Variants in KCNQ1 observed in about 807,000 individuals in gnomAD.
The protein encoded by KCNQ1 is potassium voltage-gated channel subfamily Q member 1, also known as potassium voltage-gated channel subfamily KQT member 1.
KCNQ1 carries 49 observed loss-of-function variants against 72.4 expected under a neutral mutation model. That is an observed-to-expected ratio of 0.68 (90% CI 0.54 to 0.86). KCNQ1 has a LOEUF of 0.86. KCNQ1 is among the 40% of genes least tolerant of loss of function. KCNQ1 has a pLI of 0.00. For synonymous variants in KCNQ1, 450 were observed against 412.6 expected (o/e 1.09, Z -1.10); for missense variants, 790 against 945.1 (o/e 0.84, Z 2.15).
rs1436026158 is a variant in KCNQ1, at chr11:2,446,729, CT to C, written c.386+1247del. On this transcript the variant is annotated intron_variant, in intron 1 of 15. Transcript: ENST00000155840. The surrounding 1 kb of genome is among the most constrained non-coding windows in gnomAD (Gnocchi z 8.8). Reference sequence around the variant, plus strand: ...CTCAAAGATGTGGTTGGGGGGTGATCTTGGAGACTTTTCCCCACCCCAGCTC... The same window carrying C: ...CTCAAAGATGTGGTTGGGGGGTGATCTGGAGACTTTTCCCCACCCCAGCTC... Among the ~76,000 whole-genome samples the C allele has an allele frequency of 6.6e-6, 1 of 152,200 alleles. No individual in the cohort carries two copies. The highest frequency in any genetic ancestry group is 1.5e-5 in the Non-Finnish European group (1 of 68,036).
At chr11:2,719,191 A>G (rs981809675) in intron 11 of KCNQ1, among the ~76,000 whole-genome samples, 2 of 152,112 alleles carry the variant, frequency 1.3e-5, no homozygotes, top group African/African-American at 4.8e-5. Context: ...AACAATGGCT[A>G]TGTACATAAG....
chr11:2,662,619 C>T (rs1590015686), intron 11 of KCNQ1: 1 of 412,902 alleles, frequency 2.4e-6, no homozygotes, highest in Non-Finnish European at 4.3e-6. Flanking sequence ...CATGGCCAGG[C>T]CAATCCCCGG....
At position 2,698,931 on chromosome 11, in the gene KCNQ1, G is replaced by A. The variant is rs569206262; in HGVS notation, c.1514+36850G>A. 1.9e-4 allele frequency: 74 copies of A among 398,592 alleles called. No individual in the cohort carries two copies. Among genetic ancestry groups the A allele is most frequent in the African/African-American group, 1.4e-3 (68 of 48,700 alleles). The allele number at this position is 398,592 out of a possible 1,614,324, so 24.7% of individuals were successfully genotyped here. A position where few individuals can be genotyped will look rare whatever the true frequency, so the allele number is the denominator to read the frequency against. ...CAGCCAGGATGTGGACCCTAGACCCGAATTCTGATCCCAACTAGGATACCT... is the reference window on the plus strand; with the variant it reads ...CAGCCAGGATGTGGACCCTAGACCCAAATTCTGATCCCAACTAGGATACCT... On this transcript the variant is annotated intron_variant, in intron 11 of 15. Transcript: ENST00000155840. This position sits in a 1 kb window ranked among gnomAD's most constrained non-coding sequence, Gnocchi z 5.1.
chr11:2,506,399 A>G (rs35574774), intron 1 of KCNQ1, among the ~76,000 whole-genome samples: 40,482 of 152,056 alleles, frequency 0.27, 7,515 homozygotes, highest in African/African-American at 0.52. Flanking sequence ...ATTCTTTTTT[A>G]CAGCCACCCC....
At chr11:2,825,154 GGGAGGTGC>G (rs1364495040) in intron 15 of KCNQ1, among the ~76,000 whole-genome samples, 1 of 151,776 alleles carries the variant, frequency 6.6e-6, no homozygotes, top group Admixed American at 6.6e-5. Context: ...CAGAGAACAT[GGGAGGTGC>G]CGTTTCCCTG....
At chr11:2,533,469 G>A (rs1847675267) in intron 2 of KCNQ1, among the ~76,000 whole-genome samples, 1 of 152,218 alleles carries the variant, frequency 6.6e-6, no homozygotes, top group Non-Finnish European at 1.5e-5. Context: ...AATTCAGAGG[G>A]GGCTGTGTGT....
Position 2,541,684 on chromosome 11 carries a change from C to G in KCNQ1, c.477+13666C>G, listed in dbSNP as rs966402323. On this transcript the variant is annotated intron_variant, in intron 2 of 15. Coordinates refer to ENST00000155840, the MANE Select transcript of KCNQ1 (RefSeq NM_000218.3). The surrounding 1 kb of genome is among the most constrained non-coding windows in gnomAD (Gnocchi z 4.8). ...TTCTGCTCAAGTTCTCTTGCTTCAT[C>G]TCAGGCTCAGGTGTTTTGAGTTTTT... Among the ~76,000 whole-genome samples, 1 of 149,370 alleles carries G rather than the reference C, an allele frequency of 6.7e-6. No individual in the cohort carries two copies. The highest frequency in any genetic ancestry group is 2.5e-5 in the African/African-American group (1 of 39,870).
At chr11:2,829,561 T>G in intron 15 of KCNQ1, among the ~76,000 whole-genome samples, 1 of 152,180 alleles carries the variant, frequency 6.6e-6, no homozygotes, top group Admixed American at 6.5e-5. Flanking sequence ...ATGCAAACAG[T>G]AAGTACTTAT....
rs58902386 is a variant in KCNQ1, at chr11:2,756,981, A to AAAAAAAAAC, written c.1515-11863_1515-11862insAAAAAAAAC. 1.3e-3 allele frequency among the ~76,000 whole-genome samples: 150 copies of AAAAAAAAAC among 115,204 alleles called. 13 individuals carry two copies. The highest frequency in any genetic ancestry group is 2.8e-3 in the East Asian group (9 of 3,260). 75.6% of individuals were successfully genotyped at this position (115,204 alleles called of 152,430 possible). A position where few individuals can be genotyped will look rare whatever the true frequency, so the allele number is the denominator to read the frequency against. ...AAAAAAAAAAAAAAAAAAAAAAAAA[A>AAAAAAAAAC]CCCACAGCTAACATCACATCACACT... On this transcript the variant is annotated intron_variant, in intron 11 of 15. Transcript: ENST00000155840.
At chr11:2,618,159 T>C (rs376281396) in intron 10 of KCNQ1, 20 of 398,410 alleles carry the variant, frequency 5.0e-5, no homozygotes, top group African/African-American at 1.9e-4. Context: ...TTTGGTCTTA[T>C]GTTTAGGTCT....
At position 2,687,589 on chromosome 11, in the gene KCNQ1, T is replaced by G; in HGVS notation, c.1514+25508T>G. On this transcript the variant is annotated intron_variant, in intron 11 of 15. Transcript: ENST00000155840. This position sits in a 1 kb window ranked among gnomAD's most constrained non-coding sequence, Gnocchi z 5.0. ...TGACCCCCTGTCAAGGAGGTGTGAC[T>G]GAGAAAGGAAGGGGCAGAGATCCCT... 1 of 398,656 alleles carries G rather than the reference T, an allele frequency of 2.5e-6. No homozygotes were observed. 24.7% of individuals were successfully genotyped at this position (398,656 alleles called of 1,614,324 possible).
chr11:2,714,767 G>C (rs1379503047), intron 11 of KCNQ1, among the ~76,000 whole-genome samples: 1 of 152,174 alleles, frequency 6.6e-6, no homozygotes, highest in Non-Finnish European at 1.5e-5. Context: ...AGCATCTTGA[G>C]GGTGGCTGCA....
intron 10 of KCNQ1, chr11:2,655,475 C>A: frequency 5.0e-6 from 2 of 398,682 alleles, no homozygotes; most frequent in Non-Finnish European, 8.8e-6. Flanking sequence ...TCCGGTACCT[C>A]CTGCAGAGCC....
Position 2,498,194 on chromosome 11 carries a change from T to C in KCNQ1, c.387-29734T>C, listed in dbSNP as rs1846952892. On this transcript the variant is annotated intron_variant, in intron 1 of 15. Coordinates refer to ENST00000155840, the MANE Select transcript of KCNQ1 (RefSeq NM_000218.3). The surrounding 1 kb of genome is among the most constrained non-coding windows in gnomAD (Gnocchi z 4.8). Reference sequence around the variant, plus strand: ...GCAGTCTGTCCCTTAGCAGAGCTCATGCACTGTGCTGCGAGAATCCCCCTT... The same window carrying C: ...GCAGTCTGTCCCTTAGCAGAGCTCACGCACTGTGCTGCGAGAATCCCCCTT... Among the ~76,000 whole-genome samples the C allele has an allele frequency of 6.6e-6, 1 of 152,192 alleles. No individual in the cohort carries two copies.
chr11:2,582,238 C>T (rs1048421184), intron 6 of KCNQ1, among the ~76,000 whole-genome samples: 8 of 152,230 alleles, frequency 5.3e-5, no homozygotes, highest in African/African-American at 7.2e-5. Context: ...TCCGCGTGTG[C>T]GCCTGTGCAC....
Position 2,644,511 on chromosome 11 carries a change from ATCT to A in KCNQ1, c.1394-17445_1394-17443del, listed in dbSNP as rs971280384. 21 of 398,204 alleles carry A rather than the reference ATCT, an allele frequency of 5.3e-5. No homozygotes were observed. The South Asian group carries it at 1.3e-3, about 24-fold the overall frequency. 24.7% of individuals were successfully genotyped at this position (398,204 alleles called of 1,614,324 possible). A position where few individuals can be genotyped will look rare whatever the true frequency, so the allele number is the denominator to read the frequency against. ...CTGATTTCTTTGTATAGTCTATCAG[ATCT>A]TCTTTAATATTATATTGAATTTTTC... On this transcript the variant is annotated intron_variant, in intron 10 of 15. Transcript: ENST00000155840.
rs1850354875 is a variant in KCNQ1, at chr11:2,679,677, T to C, written c.1514+17596T>C. On this transcript the variant is annotated intron_variant, in intron 11 of 15. Coordinates refer to ENST00000155840, the MANE Select transcript of KCNQ1 (RefSeq NM_000218.3). The surrounding 1 kb of genome is among the most constrained non-coding windows in gnomAD (Gnocchi z 4.8). ...ATAAGATTATTTAGGATGCATAGGATCCCAGATTAGATTTTTTTTAAATCA... is the reference window on the plus strand; with the variant it reads ...ATAAGATTATTTAGGATGCATAGGACCCCAGATTAGATTTTTTTTAAATCA... 3 of 398,494 alleles carry C rather than the reference T, an allele frequency of 7.5e-6. No homozygotes were observed. Among genetic ancestry groups the C allele is most frequent in the Non-Finnish European group, 8.8e-6 (2 of 226,042 alleles). The allele number at this position is 398,494 out of a possible 1,614,324, so 24.7% of individuals were successfully genotyped here.
chr11:2,736,129 G>T (rs1437512595), intron 11 of KCNQ1, among the ~76,000 whole-genome samples: 1 of 152,164 alleles, frequency 6.6e-6, no homozygotes, highest in Non-Finnish European at 1.5e-5. Context: ...GGCTCATTGG[G>T]CAGAACCTAC....
chr11:2,810,102 G>A (rs1364597513), intron 15 of KCNQ1, among the ~76,000 whole-genome samples: 1 of 152,200 alleles, frequency 6.6e-6, no homozygotes, highest in Non-Finnish European at 1.5e-5. Flanking sequence ...TGAAGACCTC[G>A]TCCTATGGTT....
Sources: allele counts gnomAD v4.1 joint callset (sites outside exome capture counted in the v4.1 genomes callset), GRCh38; gene constraint gnomAD v4.1.1; non-coding constraint Gnocchi (gnomAD v3.1); transcripts MANE v1.5; gene names NCBI Gene and HGNC (gene_info 2026-07-23, HGNC 2026-07-21).